The following DNM3 variants were observed in gnomAD, a reference collection of about 807,000 sequenced individuals.
DNM3 encodes the protein dynamin 3, also known as dynamin-3.
DNM3 carries 47 observed loss-of-function variants against 101.6 expected under a neutral mutation model. The observed-to-expected ratio is 0.46, with a 90% confidence interval of 0.37 to 0.59. DNM3 has a LOEUF of 0.59. Ranked by LOEUF, DNM3 falls within the 20% of genes least tolerant of loss-of-function variation. The pLI is 0.00. For missense variants in DNM3, 849 were observed against 1,085.7 expected (o/e 0.78, Z 3.06); for synonymous variants, 385 against 387.9 (o/e 0.99, Z 0.09).
intron 14 of DNM3, among the ~76,000 whole-genome samples, chr1:172,239,805 T>C (rs1334122492): frequency 1.3e-5 from 1 of 79,192 alleles, no homozygotes; most frequent in African/African-American, 5.6e-5. Flanking sequence ...TTTCTCTTTT[T>C]TTTTTTTTTT....
intron 4 of DNM3, among the ~76,000 whole-genome samples, chr1:172,010,611 C>T (rs2047045919): frequency 1.4e-5 from 1 of 68,984 alleles, no homozygotes; most frequent in Admixed American, 1.4e-4. Context: ...GCTATTATGG[C>T]TATTTTTTTT....
At chr1:172,133,073 G>C (rs1405500291) in intron 14 of DNM3, 1 of 1,448,204 alleles carries the variant, frequency 6.9e-7, no homozygotes, top group East Asian at 2.5e-5. Context: ...GACTTATGAA[G>C]ATGAATTCCA....
At chr1:172,186,013 G>A (rs543571263) in intron 14 of DNM3, among the ~76,000 whole-genome samples, 1 of 151,958 alleles carries the variant, frequency 6.6e-6, no homozygotes, top group South Asian at 2.1e-4. Context: ...CATTTGCAAG[G>A]CAGAAAGGCA....
intron 1 of DNM3, among the ~76,000 whole-genome samples, chr1:171,859,834 G>C (rs941615674): frequency 6.6e-6 from 1 of 152,132 alleles, no homozygotes; most frequent in Non-Finnish European, 1.5e-5. Flanking sequence ...GAAGGACAAG[G>C]AATCAGTCAT....
chr1:171,879,652 ACTGCGTGC>A (rs1376792039), intron 1 of DNM3, among the ~76,000 whole-genome samples: 1 of 152,216 alleles, frequency 6.6e-6, no homozygotes, highest in Non-Finnish European at 1.5e-5. Context: ...GGCACAGTGG[ACTGCGTGC>A]CAGGGGCATT....
At chr1:172,254,090 C>T (rs1440611128) in intron 15 of DNM3, among the ~76,000 whole-genome samples, 1 of 152,058 alleles carries the variant, frequency 6.6e-6, no homozygotes, top group Non-Finnish European at 1.5e-5. Flanking sequence ...CTACTGCGTG[C>T]ATGCCACTGT....
At chr1:171,944,520 T>C (rs1204523462) in intron 2 of DNM3, among the ~76,000 whole-genome samples, 1 of 151,806 alleles carries the variant, frequency 6.6e-6, no homozygotes, top group Non-Finnish European at 1.5e-5. Context: ...ACCACAAGCG[T>C]GTGCCATCAT....
intron 4 of DNM3, among the ~76,000 whole-genome samples, chr1:172,030,726 C>T (rs1434222086): frequency 2.6e-5 from 4 of 152,060 alleles, no homozygotes; most frequent in African/African-American, 9.7e-5. Flanking sequence ...ACAACCCCAT[C>T]AAAAAGTGGG....
At chr1:172,078,986 C>T (rs988776207) in intron 11 of DNM3, among the ~76,000 whole-genome samples, 51 of 152,276 alleles carry the variant, frequency 3.3e-4, no homozygotes, top group African/African-American at 1.2e-3. Context: ...CAGATATATC[C>T]GCTGTTAGTC....
chr1:172,162,364 T>C (rs1481018658), intron 14 of DNM3, among the ~76,000 whole-genome samples: 1 of 152,014 alleles, frequency 6.6e-6, no homozygotes, highest in African/African-American at 2.4e-5. Context: ...GGTCAAATCA[T>C]ACACATAAGG....
At chr1:172,106,810 C>T (rs114976413) in intron 13 of DNM3, among the ~76,000 whole-genome samples, 2,762 of 129,896 alleles carry the variant, frequency 0.021, 46 homozygotes, top group Non-Finnish European at 0.034. Flanking sequence ...TGCCATTGAA[C>T]GAATTTTCTT....
At chr1:172,057,292 T>C (rs1192172750) in intron 10 of DNM3, among the ~76,000 whole-genome samples, 2 of 152,190 alleles carry the variant, frequency 1.3e-5, no homozygotes, top group African/African-American at 4.8e-5. Context: ...CCAGGAGAAC[T>C]TCCCCAATCT....
At chr1:172,220,889 C>A (rs2060884162) in intron 14 of DNM3, among the ~76,000 whole-genome samples, 1 of 152,088 alleles carries the variant, frequency 6.6e-6, no homozygotes, top group Non-Finnish European at 1.5e-5. Context: ...TTAAAGTTTT[C>A]ATTTAAAAAT....
chr1:172,104,883 A>G lies in DNM3; in HGVS notation c.1545+12008A>G, dbSNP rs566878618. On this transcript the variant is annotated intron_variant, in intron 13 of 20. Coordinates refer to ENST00000627582, the MANE Select transcript of DNM3 (RefSeq NM_015569.5). ...AGAGCAGAGTATAGAGGCTAAGAGC[A>G]TAGAATCTGCAAAGTCTAGTTCTGC... Among the ~76,000 whole-genome samples the G allele has an allele frequency of 2.0e-5, 3 of 152,356 alleles. No homozygotes were observed. In the East Asian group the frequency reaches 5.8e-4, roughly 29 times the overall value.
At chr1:172,261,693 G>C (rs1477412780) in intron 15 of DNM3, among the ~76,000 whole-genome samples, 3 of 152,256 alleles carry the variant, frequency 2.0e-5, no homozygotes, top group Admixed American at 2.0e-4. Context: ...TGGGACCCAA[G>C]TGGTCCACCC....
At chr1:172,345,810 C>CT (rs2066900631) in intron 17 of DNM3, among the ~76,000 whole-genome samples, 1 of 152,104 alleles carries the variant, frequency 6.6e-6, no homozygotes, top group Non-Finnish European at 1.5e-5. Context: ...AACATAACTG[C>CT]TATCATCGTT....
chr1:172,387,376 G>C lies in DNM3; in HGVS notation c.2285+17G>C, dbSNP rs376292715. 4 of 1,599,202 alleles carry C rather than the reference G, an allele frequency of 2.5e-6. No individual in the cohort carries two copies. Among genetic ancestry groups the C allele is most frequent in the Middle Eastern group, 2.0e-4 (1 of 5,050 alleles). On this transcript the variant is annotated intron_variant, in intron 19 of 20. Transcript: ENST00000627582. ...CTCTCGCAGGTAAGAAGATGGCCCC[G>C]GCCGGGTGCGGTGGCTCGCTCCTGT...
chr1:171,969,323 G>A (rs1381305919), intron 2 of DNM3, among the ~76,000 whole-genome samples: 1 of 152,190 alleles, frequency 6.6e-6, no homozygotes, highest in Non-Finnish European at 1.5e-5. Flanking sequence ...TAGAGGTGTA[G>A]GAGTAATTGG....
intron 1 of DNM3, among the ~76,000 whole-genome samples, chr1:171,861,359 A>G (rs2034156715): frequency 6.6e-6 from 1 of 152,170 alleles, no homozygotes; most frequent in Non-Finnish European, 1.5e-5. Context: ...ACTTACTACA[A>G]ATCAGTGTAA....
Sources: gnomAD v4.1 joint callset for allele counts (sites outside exome capture counted in the v4.1 genomes callset) on GRCh38, gnomAD v4.1.1 for gene constraint, MANE v1.5 for transcripts, NCBI Gene and HGNC (gene_info 2026-07-23, HGNC 2026-07-21) for gene names.